SPATA16: variants seen among roughly 807,000 people sequenced by gnomAD.
SPATA16 encodes the protein spermatogenesis-associated protein 16.
In SPATA16, 36 loss-of-function variants were observed where a neutral mutation model predicts 63.3. That is an observed-to-expected ratio of 0.57 (90% CI 0.44 to 0.75). SPATA16 has a LOEUF of 0.75. SPATA16 is among the 30% of genes least tolerant of loss of function. SPATA16 has a pLI of 0.00. For synonymous variants in SPATA16, 203 were observed against 216.7 expected (o/e 0.94, Z 0.56); for missense variants, 646 against 679.3 (o/e 0.95, Z 0.54).
chr3:172,911,167 C>T (rs187103533), intron 10 of SPATA16, among the ~76,000 whole-genome samples: 32 of 152,322 alleles, frequency 2.1e-4, no homozygotes, highest in Admixed American at 1.2e-3. Context: ...CAGAAACATA[C>T]TTTCTTTTCT....
chr3:173,021,418 T>G (rs2108277645), intron 3 of SPATA16, among the ~76,000 whole-genome samples: 1 of 152,296 alleles, frequency 6.6e-6, no homozygotes, highest in East Asian at 1.9e-4. Context: ...ATGAATACAT[T>G]AATCCCTCAA....
intron 5 of SPATA16, among the ~76,000 whole-genome samples, chr3:172,960,595 A>G (rs1577107200): frequency 6.6e-6 from 1 of 152,290 alleles, no homozygotes; most frequent in East Asian, 1.9e-4. Flanking sequence ...ACCCCTTGCT[A>G]CCTTAGAAAT....
At chr3:173,022,630 G>C (rs1735359330) in intron 3 of SPATA16, among the ~76,000 whole-genome samples, 1 of 152,058 alleles carries the variant, frequency 6.6e-6, no homozygotes, top group East Asian at 1.9e-4. Flanking sequence ...AACTTGTAGG[G>C]GAAATGATGA....
chr3:172,893,094 C>T (rs1447924938), intron 10 of SPATA16, among the ~76,000 whole-genome samples: 1 of 152,154 alleles, frequency 6.6e-6, no homozygotes, highest in East Asian at 1.9e-4. Context: ...GTCAGTTTCT[C>T]AACACCTTTT....
rs1736021727 is a variant in SPATA16 at position 173,049,091 on chromosome 3, A to C, written c.616T>G (p.Cys206Gly). ...AGQFRTALEL[C>G]SKGAVLGEPF... ...TCTCCCAGAACTGCTCCTTTGCTGC[A>C]AAGCTTTAAAAAATATAGTACTTTC... Residue 206 changes from cysteine to glycine, a missense_variant, in exon 3 of 11, where the codon TGC becomes GGC. By Grantham distance (159) the Cys-to-Gly change is radical. Transcript: ENST00000351008. 16 of 1,611,342 alleles carry C rather than the reference A, an allele frequency of 9.9e-6. No individual in the cohort carries two copies. Among genetic ancestry groups the C allele is most frequent in the Non-Finnish European group, 1.2e-5 (14 of 1,178,552 alleles).
intron 10 of SPATA16, 137 bp downstream of exon 10, chr3:172,913,524 T>C (rs1732416179): frequency 4.0e-6 from 3 of 753,734 alleles, no homozygotes; most frequent in South Asian, 3.3e-5. Flanking sequence ...GGGAGAGAGC[T>C]GCATTTAATT....
At chr3:173,073,895 AC>A (rs1736729425) in intron 2 of SPATA16, among the ~76,000 whole-genome samples, 1 of 152,188 alleles carries the variant, frequency 6.6e-6, no homozygotes, top group African/African-American at 2.4e-5. Context: ...GGGAAGCTGT[AC>A]CCTGCAAAGC....
rs543770917 is a variant in SPATA16 at position 173,088,087 on chromosome 3, C to CTT, written c.612+29031_612+29032dup. ...CTTTCTTTCTTTCTTTCTGTCTTTT[C>CTT]TTTTTTTTTTTTTTTTGAGATGGAG... On this transcript the variant is annotated intron_variant, in intron 2 of 10. Coordinates refer to ENST00000351008, the MANE Select transcript of SPATA16 (RefSeq NM_031955.6). Among the ~76,000 whole-genome samples the CTT allele has an allele frequency of 4.2e-3, 263 of 62,910 alleles. 14 individuals are homozygous for CTT. Among genetic ancestry groups the CTT allele is most frequent in the African/African-American group, 0.01 (169 of 16,234 alleles). The allele number at this position is 62,910 out of a possible 152,430, so 41.3% of individuals were successfully genotyped here.
chr3:173,088,082 C>G (rs1404562893), intron 2 of SPATA16, among the ~76,000 whole-genome samples: 6 of 80,086 alleles, frequency 7.5e-5, no homozygotes, highest in Admixed American at 6.8e-4. Context: ...TTCTTTCTGT[C>G]TTTTCTTTTT....
chr3:173,096,446 C>A (rs369495965), intron 2 of SPATA16, among the ~76,000 whole-genome samples: 1 of 152,026 alleles, frequency 6.6e-6, no homozygotes, highest in African/African-American at 2.4e-5. Flanking sequence ...CCCAGAAAAG[C>A]AAGTGCAAAT....
chr3:173,060,952 T>C (rs539321774), intron 2 of SPATA16, among the ~76,000 whole-genome samples: 1 of 152,218 alleles, frequency 6.6e-6, no homozygotes, highest in Non-Finnish European at 1.5e-5. Context: ...TAATAAGAGA[T>C]TAATCCAAGC....
intron 5 of SPATA16, among the ~76,000 whole-genome samples, chr3:172,965,042 A>G (rs768945216): frequency 6.6e-6 from 1 of 152,226 alleles, no homozygotes; most frequent in Non-Finnish European, 1.5e-5. Context: ...GATAAACCTG[A>G]AAAACTCATT....
At chr3:173,136,593 T>A (rs1438459178) in intron 1 of SPATA16, among the ~76,000 whole-genome samples, 1 of 152,220 alleles carries the variant, frequency 6.6e-6, no homozygotes, top group Non-Finnish European at 1.5e-5. Flanking sequence ...ATACTAGGTC[T>A]TATTCATTCA....
intron 6 of SPATA16, among the ~76,000 whole-genome samples, chr3:172,930,910 A>G (rs563514694): frequency 2.0e-5 from 3 of 150,102 alleles, no homozygotes; most frequent in East Asian, 4.0e-4. Context: ...GCTCACTGCA[A>G]CCTCTACCTT....
At chr3:173,080,296 A>G (rs1736894973) in intron 2 of SPATA16, among the ~76,000 whole-genome samples, 1 of 152,220 alleles carries the variant, frequency 6.6e-6, no homozygotes, top group Non-Finnish European at 1.5e-5. Flanking sequence ...CAAATTGCTC[A>G]GAGGGTTGAG....
At chr3:172,948,754 A>C in intron 6 of SPATA16, among the ~76,000 whole-genome samples, 1 of 152,138 alleles carries the variant, frequency 6.6e-6, no homozygotes, top group East Asian at 1.9e-4. Flanking sequence ...AGGGTGAGCC[A>C]CCACGCCTAG....
chr3:172,974,655 A>G (rs541789658), intron 5 of SPATA16, among the ~76,000 whole-genome samples: 1 of 152,192 alleles, frequency 6.6e-6, no homozygotes, highest in East Asian at 1.9e-4. Context: ...GTGTTAATTT[A>G]TAGAATTTAT....
intron 2 of SPATA16, among the ~76,000 whole-genome samples, chr3:173,077,742 T>C (rs1026095390): frequency 1.3e-5 from 2 of 152,142 alleles, no homozygotes; most frequent in Admixed American, 6.6e-5. Flanking sequence ...TCTGTGAAAA[T>C]GTTTTCCATT....
At chr3:173,036,315 A>G (rs1222830703) in intron 3 of SPATA16, among the ~76,000 whole-genome samples, 3 of 152,074 alleles carry the variant, frequency 2.0e-5, no homozygotes, top group Non-Finnish European at 4.4e-5. Context: ...AAAAATTAGT[A>G]TTTTGGAAAA....
Sources: allele counts gnomAD v4.1 joint callset (sites outside exome capture counted in the v4.1 genomes callset), GRCh38; gene constraint gnomAD v4.1.1; transcripts MANE v1.5; gene names NCBI Gene and HGNC (gene_info 2026-07-23, HGNC 2026-07-21).